NECAB1: variants seen among roughly 807,000 people sequenced by gnomAD.
The protein encoded by NECAB1 is N-terminal EF-hand calcium-binding protein 1.
In NECAB1, 29 loss-of-function variants were observed where a neutral mutation model predicts 57.5. The observed-to-expected ratio is 0.50, with a 90% CI of 0.38 to 0.69. The LOEUF (loss-of-function observed/expected upper bound fraction) is 0.69. Among genes scored for constraint, NECAB1 ranks in the 30% least tolerant of loss-of-function variants. The pLI is 0.00. For missense variants in NECAB1, 372 were observed against 413.8 expected (o/e 0.90, Z 0.88); for synonymous variants, 142 against 147.7 (o/e 0.96, Z 0.28).
chr8:90,795,708 T>TCTCTCACACA (rs551150301), intron 1 of NECAB1, among the ~76,000 whole-genome samples: 3 of 147,764 alleles, frequency 2.0e-5, no homozygotes, highest in East Asian at 2.0e-4. Context: ...CTCATCTCTC[T>TCTCTCACACA]CACACACACA....
At chr8:90,931,858 C>T (rs976694716) in intron 8 of NECAB1, among the ~76,000 whole-genome samples, 11 of 151,914 alleles carry the variant, frequency 7.2e-5, no homozygotes, top group African/African-American at 1.9e-4. Flanking sequence ...GAGCCGAGAT[C>T]GTGCCACTTC....
chr8:90,954,723 T>C (rs555268824), intron 12 of NECAB1, among the ~76,000 whole-genome samples: 6 of 151,342 alleles, frequency 4.0e-5, no homozygotes, highest in African/African-American at 1.5e-4. Context: ...ATACCCAATA[T>C]TTATGAGATC....
At chr8:90,802,001 T>G (rs1051045999) in intron 2 of NECAB1, among the ~76,000 whole-genome samples, 2 of 152,216 alleles carry the variant, frequency 1.3e-5, no homozygotes, top group African/African-American at 4.8e-5. Context: ...TTTGCAGCAA[T>G]AGCAGCTTCT....
intron 4 of NECAB1, among the ~76,000 whole-genome samples, chr8:90,873,122 A>G (rs16905610): frequency 0.041 from 6,306 of 152,268 alleles, 458 homozygotes; most frequent in African/African-American, 0.14. Flanking sequence ...CAATAACTGA[A>G]CAAAATGAGC....
chr8:90,910,982 T>C (rs1302164684), intron 5 of NECAB1, among the ~76,000 whole-genome samples: 4 of 152,148 alleles, frequency 2.6e-5, no homozygotes, highest in Admixed American at 2.0e-4. Flanking sequence ...TGATGACACC[T>C]TGTCATCTAG....
intron 3 of NECAB1, among the ~76,000 whole-genome samples, chr8:90,832,342 G>A (rs1812309931): frequency 6.6e-6 from 1 of 152,062 alleles, no homozygotes; most frequent in Non-Finnish European, 1.5e-5. Flanking sequence ...CTTCCCTGGA[G>A]GAAGAGTGCA....
intron 5 of NECAB1, among the ~76,000 whole-genome samples, chr8:90,907,856 C>G (rs369780009): frequency 5.9e-5 from 9 of 152,096 alleles, no homozygotes; most frequent in Non-Finnish European, 1.2e-4. Flanking sequence ...GGTATTCTTT[C>G]ATAGTGAGCC....
intron 10 of NECAB1, among the ~76,000 whole-genome samples, chr8:90,944,604 G>A (rs1451325977): frequency 6.6e-6 from 1 of 152,178 alleles, no homozygotes; most frequent in Non-Finnish European, 1.5e-5. Context: ...TGACACCAGA[G>A]AACAAGAGAA....
At chr8:90,876,836 T>A (rs948959282) in intron 4 of NECAB1, among the ~76,000 whole-genome samples, 1 of 152,206 alleles carries the variant, frequency 6.6e-6, no homozygotes, top group Non-Finnish European at 1.5e-5. Flanking sequence ...TTTAAACTGA[T>A]GAGAATTGGT....
intron 5 of NECAB1, among the ~76,000 whole-genome samples, chr8:90,882,858 C>T (rs1046909905): frequency 5.9e-5 from 9 of 151,734 alleles, no homozygotes; most frequent in Non-Finnish European, 1.0e-4. Flanking sequence ...TAGCATAGGA[C>T]CTGACAATTA....
intron 10 of NECAB1, among the ~76,000 whole-genome samples, chr8:90,949,287 T>C (rs1810879392): frequency 1.3e-5 from 2 of 151,878 alleles, no homozygotes; most frequent in Non-Finnish European, 2.9e-5. Flanking sequence ...TAGGAGTCAG[T>C]TGTATAGCAG....
chr8:90,820,506 A>G (rs1185043532), intron 2 of NECAB1, among the ~76,000 whole-genome samples: 3 of 151,904 alleles, frequency 2.0e-5, no homozygotes, highest in Non-Finnish European at 4.4e-5. Flanking sequence ...CAAAAATGCT[A>G]AAGTAATACA....
At chr8:90,929,591 G>A (rs764772667) in intron 8 of NECAB1, among the ~76,000 whole-genome samples, 5 of 152,164 alleles carry the variant, frequency 3.3e-5, no homozygotes, top group Non-Finnish European at 7.3e-5. Flanking sequence ...GAAGAGTCTG[G>A]TTGGTCATGG....
intron 5 of NECAB1, among the ~76,000 whole-genome samples, chr8:90,895,237 G>GT (rs1219551508): frequency 1.3e-5 from 2 of 152,234 alleles, no homozygotes; most frequent in Non-Finnish European, 2.9e-5. Flanking sequence ...ATCATCTGCA[G>GT]TGACAGAACA....
chr8:90,854,398 C>G (rs1182483930), intron 3 of NECAB1, among the ~76,000 whole-genome samples: 2 of 152,166 alleles, frequency 1.3e-5, no homozygotes, highest in African/African-American at 4.8e-5. Flanking sequence ...CTCTCATTAA[C>G]AGTTTTAGAA....
intron 3 of NECAB1, among the ~76,000 whole-genome samples, chr8:90,840,358 T>G (rs16905444): frequency 6.6e-6 from 1 of 152,058 alleles, no homozygotes; most frequent in Non-Finnish European, 1.5e-5. Context: ...ATTGACCACA[T>G]TTTGCACATA....
At chr8:90,948,377 T>C (rs921091542) in intron 10 of NECAB1, among the ~76,000 whole-genome samples, 7 of 151,944 alleles carry the variant, frequency 4.6e-5, no homozygotes, top group African/African-American at 1.7e-4. Flanking sequence ...CATACCTTAA[T>C]GAACCAAACT....
intron 3 of NECAB1, among the ~76,000 whole-genome samples, chr8:90,848,474 T>C (rs1262107597): frequency 6.6e-6 from 1 of 152,168 alleles, no homozygotes; most frequent in Non-Finnish European, 1.5e-5. Context: ...AGCACCCCAC[T>C]ACTGGGTACC....
chr8:90,842,909 T>C (rs1812477555), intron 3 of NECAB1, among the ~76,000 whole-genome samples: 1 of 152,180 alleles, frequency 6.6e-6, no homozygotes, highest in South Asian at 2.1e-4. Context: ...GATGGAAACA[T>C]GTAAGGTTTA....
Sources: allele counts gnomAD v4.1 joint callset (sites outside exome capture counted in the v4.1 genomes callset), GRCh38; gene constraint gnomAD v4.1.1; transcripts MANE v1.5; gene names NCBI Gene and HGNC (gene_info 2026-07-23, HGNC 2026-07-21).